The following ANKS1B variants were observed in gnomAD, a reference collection of about 807,000 sequenced individuals.
ANKS1B encodes ankyrin repeat and sterile alpha motif domain containing 1B.
In ANKS1B, 36 loss-of-function variants were observed where a neutral mutation model predicts 148.3. The observed-to-expected ratio is 0.24, with a 90% CI of 0.19 to 0.32. The LOEUF (loss-of-function observed/expected upper bound fraction) is 0.32, where lower values mean the gene tolerates loss of function less well. ANKS1B is among the 10% of genes least tolerant of loss of function. The probability of loss-of-function intolerance (pLI) is 1.00; values close to 1 mark genes in which losing one functional copy is unlikely to be tolerated. For synonymous variants in ANKS1B, 542 were observed against 560.8 expected (o/e 0.97, Z 0.47); for missense variants, 1,157 against 1,542.6 (o/e 0.75, Z 4.19).
intron 17 of ANKS1B, among the ~76,000 whole-genome samples, chr12:98,942,469 GCTTTCT>G (rs1417069567): frequency 6.6e-6 from 1 of 152,118 alleles, no homozygotes; most frequent in Non-Finnish European, 1.5e-5. Context: ...AAAGGGGATG[GCTTTCT>G]CCGGAAATCC....
At chr12:99,958,960 T>C (rs1193901418) in intron 1 of ANKS1B, among the ~76,000 whole-genome samples, 1 of 152,050 alleles carries the variant, frequency 6.6e-6, no homozygotes, top group Non-Finnish European at 1.5e-5. Context: ...ACACCGGGGA[T>C]AACATGTCTA....
chr12:98,895,129 T>C, intron 17 of ANKS1B: 1 of 984,684 alleles, frequency 1.0e-6, no homozygotes, highest in Non-Finnish European at 1.2e-6. Flanking sequence ...CGGGGAGGGC[T>C]TACCGCTCGG....
intron 12 of ANKS1B, among the ~76,000 whole-genome samples, chr12:99,392,591 T>C (rs1379880869): frequency 6.6e-6 from 1 of 152,204 alleles, no homozygotes; most frequent in Non-Finnish European, 1.5e-5. Flanking sequence ...CTTGAGAAAG[T>C]GCTAATGCAC....
At position 98,745,541 on chromosome 12, in the gene ANKS1B, A is replaced by T. The variant is rs1057440001; in HGVS notation, c.*198T>A. ...CAACTCACGCCTCTCAGGGGTTGCG[A>T]CTGGAAAGTCTTGCGTTTTCCATCA... On this transcript the variant is annotated 3_prime_UTR_variant, in exon 27 of 27. Transcript: ENST00000683438. 4.4e-6 allele frequency: 6 copies of T among 1,354,866 alleles called. No homozygotes were observed. The African/African-American group carries it at 9.1e-5, about 20-fold the overall frequency. The allele number at this position is 1,354,866 out of a possible 1,614,324, so 83.9% of individuals were successfully genotyped here.
At chr12:99,906,991 T>C (rs1216494798) in intron 1 of ANKS1B, among the ~76,000 whole-genome samples, 1 of 152,198 alleles carries the variant, frequency 6.6e-6, no homozygotes, top group East Asian at 1.9e-4. Flanking sequence ...AGAACTAACA[T>C]TGCCTGAAGG....
intron 1 of ANKS1B, among the ~76,000 whole-genome samples, chr12:99,851,286 A>G (rs1249269486): frequency 6.6e-6 from 1 of 152,148 alleles, no homozygotes; most frequent in East Asian, 1.9e-4. Flanking sequence ...TAACATTTTT[A>G]TTCAGAAGTT....
intron 17 of ANKS1B, among the ~76,000 whole-genome samples, chr12:99,008,155 G>C (rs998634780): frequency 6.6e-5 from 10 of 151,978 alleles, no homozygotes; most frequent in African/African-American, 2.4e-4. Flanking sequence ...GTTTCCCCTC[G>C]AGCTTTGGGC....
At chr12:99,955,481 A>C (rs60757024) in intron 1 of ANKS1B, among the ~76,000 whole-genome samples, 94 of 127,384 alleles carry the variant, frequency 7.4e-4, no homozygotes, top group African/African-American at 2.8e-3. Flanking sequence ...CGACAGAGCG[A>C]AACTCCGTCT....
chr12:98,944,880 C>A (rs1485443352), intron 17 of ANKS1B, among the ~76,000 whole-genome samples: 1 of 152,184 alleles, frequency 6.6e-6, no homozygotes, highest in African/African-American at 2.4e-5. Flanking sequence ...TAGATGGGAT[C>A]CTGTTATAAT....
At position 98,800,675 on chromosome 12, in the gene ANKS1B, G is replaced by GATATATATATATATATATAT. The variant is rs3049844; in HGVS notation, c.3270+321_3270+322insATATATATATATATATATAT. ...ACCCAGTGTTTGGTGAGTGAGCAGAGATATATATATATATATGCCATATTT... is the reference window on the plus strand; with the variant it reads ...ACCCAGTGTTTGGTGAGTGAGCAGAGATATATATATATATATATATATATATATATATATATGCCATATTT... On this transcript the variant is annotated intron_variant, in intron 21 of 26. Transcript: ENST00000683438. 1.2e-3 allele frequency among the ~76,000 whole-genome samples: 122 copies of GATATATATATATATATATAT among 99,678 alleles called. 5 individuals are homozygous for GATATATATATATATATATAT. Among genetic ancestry groups the GATATATATATATATATATAT allele is most frequent in the Middle Eastern group, 4.8e-3 (1 of 210 alleles). 65.4% of individuals were successfully genotyped at this position (99,678 alleles called of 152,430 possible).
intron 14 of ANKS1B, among the ~76,000 whole-genome samples, chr12:99,223,559 T>A (rs1253867582): frequency 2.0e-5 from 3 of 152,006 alleles, no homozygotes; most frequent in Admixed American, 6.6e-5. Context: ...AGGTTCGCAC[T>A]CCTATGAGAA....
chr12:99,023,787 A>G (rs1489695570), intron 17 of ANKS1B, among the ~76,000 whole-genome samples: 1 of 150,438 alleles, frequency 6.6e-6, no homozygotes, highest in Non-Finnish European at 1.5e-5. Flanking sequence ...GAATATGCAC[A>G]CACATACACA....
intron 14 of ANKS1B, among the ~76,000 whole-genome samples, chr12:99,190,158 G>C (rs1371236555): frequency 6.6e-6 from 1 of 152,104 alleles, no homozygotes; most frequent in Non-Finnish European, 1.5e-5. Flanking sequence ...TCTTCAAGGA[G>C]AACTACAAAC....
rs144426984 is a variant in ANKS1B at position 99,683,236 on chromosome 12, G to A, written c.1129-28026C>T. Among the ~76,000 whole-genome samples the A allele has an allele frequency of 1.6e-4, 24 of 152,036 alleles. No homozygotes were observed. The East Asian group carries it at 3.5e-3, about 22-fold the overall frequency. ...GGGGACACAGCCAAATCATATCAGC[G>A]AGATTAACCAAGAAAAGAGAGAATA... On this transcript the variant is annotated intron_variant, in intron 8 of 26. Transcript: ENST00000683438.
At chr12:99,939,956 T>C (rs943609298) in intron 1 of ANKS1B, among the ~76,000 whole-genome samples, 3 of 152,232 alleles carry the variant, frequency 2.0e-5, no homozygotes, top group Non-Finnish European at 2.9e-5. Flanking sequence ...CCTTTAATTG[T>C]ATACAATGTT....
chr12:99,595,181 C>A (rs1418312914), intron 9 of ANKS1B, among the ~76,000 whole-genome samples: 1 of 151,710 alleles, frequency 6.6e-6, no homozygotes, highest in East Asian at 1.9e-4. Flanking sequence ...AATGTAAGAA[C>A]TTTATAAATT....
At chr12:98,858,519 T>C (rs1450091164) in intron 17 of ANKS1B, among the ~76,000 whole-genome samples, 1 of 152,124 alleles carries the variant, frequency 6.6e-6, no homozygotes, top group East Asian at 1.9e-4. Context: ...TTTGTATTTT[T>C]TGTAGAGATG....
intron 25 of ANKS1B, among the ~76,000 whole-genome samples, chr12:98,770,887 A>T (rs987812439): frequency 2.6e-5 from 4 of 152,162 alleles, no homozygotes; most frequent in African/African-American, 4.8e-5. Flanking sequence ...GTGATTCCTG[A>T]TTCTTTAAAT....
At chr12:99,800,029 A>C (rs2066744894) in intron 4 of ANKS1B, among the ~76,000 whole-genome samples, 1 of 152,158 alleles carries the variant, frequency 6.6e-6, no homozygotes, top group Non-Finnish European at 1.5e-5. Flanking sequence ...AAATAGACTG[A>C]AGGGAATATG....
Sources: allele counts gnomAD v4.1 joint callset (sites outside exome capture counted in the v4.1 genomes callset), GRCh38; gene constraint gnomAD v4.1.1; transcripts MANE v1.5; gene names NCBI Gene and HGNC (gene_info 2026-07-23, HGNC 2026-07-21).